The following EHMT1 variants were observed in gnomAD, a reference collection of about 807,000 sequenced individuals.
EHMT1 encodes histone-lysine N-methyltransferase EHMT1.
Under a neutral mutation model 147.2 loss-of-function variants are expected in EHMT1, and 15 were observed. That is an observed-to-expected ratio of 0.10 (90% CI 0.07 to 0.16). The LOEUF (loss-of-function observed/expected upper bound fraction) is 0.16. Among genes scored for constraint, EHMT1 ranks in the 10% least tolerant of loss-of-function variants. The probability of loss-of-function intolerance (pLI) is 1.00; values close to 1 mark genes in which losing one functional copy is unlikely to be tolerated. For missense variants in EHMT1, 1,587 were observed against 1,772.4 expected, an observed-to-expected ratio of 0.90 and a Z score of 1.88; for synonymous variants, 795 against 709.6, an observed-to-expected ratio of 1.12 and a Z score of -1.91.
chr9:137,641,512 A>G (rs1300545622), intron 1 of EHMT1: 4 of 397,172 alleles, frequency 1.0e-5, no homozygotes, highest in Admixed American at 9.8e-5. Context: ...TTACCCAGAA[A>G]TTGGGGATTT....
intron 1 of EHMT1, among the ~76,000 whole-genome samples, chr9:137,679,309 G>A (rs1475224979): frequency 1.3e-5 from 2 of 152,048 alleles, no homozygotes; most frequent in Admixed American, 1.3e-4. Flanking sequence ...GTTGACTGTG[G>A]GTAACTGAAA....
intron 16 of EHMT1, among the ~76,000 whole-genome samples, chr9:137,797,472 T>C (rs938340110): frequency 2.0e-5 from 3 of 152,110 alleles, no homozygotes; most frequent in African/African-American, 7.2e-5. Flanking sequence ...TTGCCCAAGG[T>C]CTCTGCCAGG....
At chr9:137,696,012 C>T (rs770230054) in intron 1 of EHMT1, among the ~76,000 whole-genome samples, 6 of 152,222 alleles carry the variant, frequency 3.9e-5, no homozygotes, top group Non-Finnish European at 7.3e-5. Flanking sequence ...AAGGGTTAAG[C>T]AGCAGATGGA....
rs965806157 is a variant in EHMT1 at position 137,828,618 on chromosome 9, A to G, written c.3541-5731A>G. On this transcript the variant is annotated intron_variant, in intron 25 of 26. Coordinates refer to ENST00000460843, the MANE Select transcript of EHMT1 (RefSeq NM_024757.5). The surrounding 1 kb of genome is among the most constrained non-coding windows in gnomAD (Gnocchi z 5.3). ...GAGGTACCACGTCTCCCGGGCAGCC[A>G]CAGATCCCACACTCACGGCCCAAGT... 6.6e-6 allele frequency among the ~76,000 whole-genome samples: 1 copy of G among 152,162 alleles called. No individual in the cohort carries two copies. The highest frequency in any genetic ancestry group is 2.4e-5 in the African/African-American group (1 of 41,426).
intron 15 of EHMT1, chr9:137,788,295 G>A (rs1952162529): frequency 1.2e-5 from 5 of 418,218 alleles, no homozygotes; most frequent in Non-Finnish European, 1.7e-5. Context: ...ATGACCGAGC[G>A]GCTGGTAGGA....
At chr9:137,668,497 C>G (rs1360130967) in intron 1 of EHMT1, among the ~76,000 whole-genome samples, 1 of 152,202 alleles carries the variant, frequency 6.6e-6, no homozygotes, top group Admixed American at 6.5e-5. Flanking sequence ...TAATGACTTA[C>G]TATATACCAG....
At chr9:137,700,406 C>A (rs1042362639) in intron 1 of EHMT1, among the ~76,000 whole-genome samples, 15 of 152,160 alleles carry the variant, frequency 9.9e-5, no homozygotes, top group African/African-American at 3.6e-4. Context: ...AAGGAAAAAA[C>A]TTCACGAAGT....
At chr9:137,711,590 G>C (rs999752636) in intron 2 of EHMT1, among the ~76,000 whole-genome samples, 3 of 152,218 alleles carry the variant, frequency 2.0e-5, no homozygotes, top group Non-Finnish European at 4.4e-5. Flanking sequence ...GAGGTGGAGG[G>C]AGTGGTGTGG....
At chr9:137,765,306 G>C (rs1428354994) in intron 10 of EHMT1, among the ~76,000 whole-genome samples, 2 of 152,122 alleles carry the variant, frequency 1.3e-5, no homozygotes, top group Non-Finnish European at 2.9e-5. Context: ...GCAGAGTAAT[G>C]AATGGGTGCT....
Position 137,834,456 on chromosome 9 carries a change from C to T in EHMT1, c.3648C>T (p.His1216=). 2 of 1,613,136 alleles carry T rather than the reference C, an allele frequency of 1.2e-6. No homozygotes were observed. Among genetic ancestry groups the T allele is most frequent in the Admixed American group, 1.7e-5 (1 of 60,024 alleles). Residue 1216 remains histidine (H), a synonymous_variant, in exon 26 of 27, where the codon CAC becomes CAT. Transcript: ENST00000460843. The part of the protein sequence containing the change: ...NLVPVRVFMA[H]QDLRFPRIAF... Reference sequence around the variant, plus strand: ...TGCCCGTGCGCGTGTTCATGGCCCACCAGGACCTGCGGTTCCCCCGGATCG... The same window carrying T: ...TGCCCGTGCGCGTGTTCATGGCCCATCAGGACCTGCGGTTCCCCCGGATCG...
In EHMT1 at chr9:137,811,527, G is replaced by A. The variant is rs776944419; in HGVS notation, c.2779G>A (p.Ala927Thr). The change falls in exon 19 of 27, where the codon GCT becomes ACT. Residue 927 changes from alanine (A) to threonine (T), a missense_variant. By Grantham distance (58) the Ala-to-Thr change is moderately conservative (BLOSUM62 0). Transcript: ENST00000460843. ...CGTGGACATAGCCGAGATCCTGCTG[G>A]CTGCCAAGTGCGACCTCCACGCCGT... Reference protein sequence around the residue: ...GCVDIAEILLAAKCDLHAVNI... With the variant: ...GCVDIAEILLTAKCDLHAVNI... The A allele has an allele frequency of 3.1e-6, 5 of 1,610,990 alleles. No individual in the cohort carries two copies. The Admixed American group carries it at 8.3e-5, about 27-fold the overall frequency.
chr9:137,772,647 T>A (rs1209471767), intron 10 of EHMT1, among the ~76,000 whole-genome samples: 2 of 152,250 alleles, frequency 1.3e-5, no homozygotes, highest in African/African-American at 4.8e-5. Flanking sequence ...GTGAAGTCAG[T>A]ACCTGTTTCA....
rs755711930 is a variant in EHMT1 at position 137,762,809 on chromosome 9, G to A, written c.1636G>A (p.Val546Met). 103 of 1,614,106 alleles carry A rather than the reference G, an allele frequency of 6.4e-5. No homozygotes were observed. Among genetic ancestry groups the A allele is most frequent in the African/African-American group, 1.6e-4 (12 of 74,942 alleles). The change falls in exon 10 of 27, where the codon GTG becomes ATG. Residue 546 changes from valine (V) to methionine (M), a missense_variant. By Grantham distance (21) the Val-to-Met change is conservative (BLOSUM62 1). Transcript: ENST00000460843. Reference sequence around the variant, plus strand: ...CAACCAGTGCATGGCTACAGAGAGCGTGGACCATGAAGTAAGCACGTTTGT... The same window carrying A: ...CAACCAGTGCATGGCTACAGAGAGCATGGACCATGAAGTAAGCACGTTTGT... The part of the protein sequence containing the change: ...ANNQCMATES[V>M]DHELGRCTNS...
At chr9:137,746,506 TA>T (rs1269765450) in intron 6 of EHMT1, 1 of 152,252 alleles carries the variant, frequency 6.6e-6, no homozygotes, top group Non-Finnish European at 1.5e-5. Context: ...CTAATTATGA[TA>T]AAAACCTTTC....
At position 137,782,287 on chromosome 9, in the gene EHMT1, A is replaced by G. The variant is rs777653664; in HGVS notation, c.2276-4A>G. The G allele has an allele frequency of 6.2e-7, 1 of 1,612,446 alleles. No homozygotes were observed. Among genetic ancestry groups the G allele is most frequent in the Non-Finnish European group, 8.5e-7 (1 of 1,178,970 alleles). ...ATCATTAATAAAACTGTGTTTGTTCACAGTGGACGGAATTGACCCCAACTT... is the reference window on the plus strand; with the variant it reads ...ATCATTAATAAAACTGTGTTTGTTCGCAGTGGACGGAATTGACCCCAACTT... On this transcript the variant is annotated splice_polypyrimidine_tract_variant and splice_region_variant and intron_variant, in intron 14 of 26. Coordinates refer to ENST00000460843, the MANE Select transcript of EHMT1 (RefSeq NM_024757.5). The surrounding 1 kb of genome is among the most constrained non-coding windows in gnomAD (Gnocchi z 5.7).
rs1187096357 is a variant in EHMT1, at chr9:137,772,836, C to T, written c.1648-2273C>T. Among the ~76,000 whole-genome samples the T allele has an allele frequency of 2.6e-5, 4 of 152,194 alleles. 1 individual carries two copies. Among genetic ancestry groups the T allele is most frequent in the South Asian group, 4.1e-4 (2 of 4,832 alleles). ...CCACCCCAGTGCATCTGTGTTTTTC[C>T]CACCTTGTTAAAGGATTCCTTGTTT... is the stretch of plus-strand genomic sequence containing the variant. On this transcript the variant is annotated intron_variant, in intron 10 of 26. Coordinates refer to ENST00000460843, the MANE Select transcript of EHMT1 (RefSeq NM_024757.5).
At chr9:137,735,161 T>G (rs1947424716) in intron 4 of EHMT1, among the ~76,000 whole-genome samples, 1 of 152,228 alleles carries the variant, frequency 6.6e-6, no homozygotes, top group Admixed American at 6.5e-5. Flanking sequence ...ACATTTTTCC[T>G]ACATAACAAG....
At chr9:137,655,127 T>C (rs1221439790) in intron 1 of EHMT1, among the ~76,000 whole-genome samples, 1 of 152,040 alleles carries the variant, frequency 6.6e-6, no homozygotes, top group Non-Finnish European at 1.5e-5. Context: ...GCCTCCCAAG[T>C]AGCTGGGACT....
At chr9:137,692,462 G>T (rs779437285) in intron 1 of EHMT1, among the ~76,000 whole-genome samples, 1 of 151,680 alleles carries the variant, frequency 6.6e-6, no homozygotes, top group Non-Finnish European at 1.5e-5. Flanking sequence ...ACGGGGTTTC[G>T]CTGTGTTGGC....
Sources: gnomAD v4.1 joint callset for allele counts (sites outside exome capture counted in the v4.1 genomes callset) on GRCh38, gnomAD v4.1.1 for gene constraint, Gnocchi (gnomAD v3.1) non-coding constraint, MANE v1.5 for transcripts, NCBI Gene and HGNC (gene_info 2026-07-23, HGNC 2026-07-21) for gene names.